Variants in MMP16 observed in about 807,000 individuals in gnomAD.
The protein encoded by MMP16 is matrix metalloproteinase-16.
MMP16 carries 12 observed loss-of-function variants against 67.8 expected under a neutral mutation model. The ratio of observed to expected loss-of-function variants is 0.18; its 90% confidence interval spans 0.11 to 0.29. The LOEUF (loss-of-function observed/expected upper bound fraction) is 0.29, where lower values mean the gene tolerates loss of function less well. MMP16 is among the 10% of genes least tolerant of loss of function. The pLI is 1.00. For missense variants in MMP16, 475 were observed against 765.7 expected (o/e 0.62, Z 4.48); for synonymous variants, 249 against 255.9 (o/e 0.97, Z 0.26).
chr8:88,081,240 G>T (rs1165760121), intron 6 of MMP16, among the ~76,000 whole-genome samples: 1 of 152,124 alleles, frequency 6.6e-6, no homozygotes, highest in Non-Finnish European at 1.5e-5. Flanking sequence ...GCTTCAGTTG[G>T]AGTTCAGGGG....
chr8:88,140,150 G>T (rs1289568832), intron 4 of MMP16, among the ~76,000 whole-genome samples: 2 of 152,036 alleles, frequency 1.3e-5, no homozygotes, highest in Non-Finnish European at 2.9e-5. Flanking sequence ...CTACTTCAAG[G>T]TAAGTGGCTC....
At position 88,080,078 on chromosome 8, in the gene MMP16, C is replaced by T. The variant is rs62525892; in HGVS notation, c.1084-5335G>A. Among the ~76,000 whole-genome samples, 424 of 152,284 alleles carry T rather than the reference C, an allele frequency of 2.8e-3. 1 individual carries two copies. Among genetic ancestry groups the T allele is most frequent in the African/African-American group, 4.2e-3 (174 of 41,578 alleles). ...TGTTACTGCATCATGGTATTTGTGA[C>T]GTCATTTCTTCCACCTACTCCACTG... On this transcript the variant is annotated intron_variant, in intron 6 of 9. Transcript: ENST00000286614.
At chr8:88,215,268 T>G (rs1305681254) in intron 1 of MMP16, among the ~76,000 whole-genome samples, 1 of 151,944 alleles carries the variant, frequency 6.6e-6, no homozygotes, top group Admixed American at 6.5e-5. Context: ...AGGCGGAGGT[T>G]GCAGTGAGCT....
At chr8:88,055,029 T>C (rs932831549) in intron 8 of MMP16, among the ~76,000 whole-genome samples, 1 of 152,152 alleles carries the variant, frequency 6.6e-6, no homozygotes, top group African/African-American at 2.4e-5. Context: ...TATGAATTTC[T>C]CATTGTGAGC....
chr8:88,174,974 G>C (rs1215549766), intron 3 of MMP16, among the ~76,000 whole-genome samples: 1 of 152,010 alleles, frequency 6.6e-6, no homozygotes, highest in Non-Finnish European at 1.5e-5. Flanking sequence ...GGCTGGTCTC[G>C]AACTCCTGAC....
chr8:88,120,492 C>T (rs986537579), intron 4 of MMP16, among the ~76,000 whole-genome samples: 8 of 151,892 alleles, frequency 5.3e-5, no homozygotes, highest in Non-Finnish European at 8.8e-5. Context: ...AGGATAGCTT[C>T]GGAGCATGCC....
intron 1 of MMP16, among the ~76,000 whole-genome samples, chr8:88,226,209 G>A (rs915916524): frequency 3.3e-5 from 5 of 151,998 alleles, no homozygotes; most frequent in Admixed American, 3.3e-4. Context: ...TCAGGTGAAA[G>A]TGAGAATTAC....
chr8:88,109,626 T>G (rs1809300440), intron 6 of MMP16, among the ~76,000 whole-genome samples: 1 of 151,272 alleles, frequency 6.6e-6, no homozygotes, highest in Admixed American at 6.6e-5. Context: ...ATCAGAAAAG[T>G]GTTACTTTTT....
chr8:88,197,027 T>A (rs1208046255), intron 2 of MMP16, 131 bp downstream of exon 2: 3 of 828,302 alleles, frequency 3.6e-6, no homozygotes, highest in Non-Finnish European at 5.5e-6. Flanking sequence ...TAAATTAGGT[T>A]ATATAATTCC....
At chr8:88,121,632 C>T (rs934305368) in intron 4 of MMP16, among the ~76,000 whole-genome samples, 3 of 151,902 alleles carry the variant, frequency 2.0e-5, no homozygotes, top group South Asian at 2.1e-4. Context: ...ATTTTATCAC[C>T]AAGCAGGCAA....
intron 1 of MMP16, among the ~76,000 whole-genome samples, chr8:88,226,030 T>A (rs1187737133): frequency 6.6e-6 from 1 of 151,992 alleles, no homozygotes; most frequent in East Asian, 1.9e-4. Flanking sequence ...AAATTTCATA[T>A]ACACTAAGAA....
At chr8:88,046,360 T>C (rs574162667) in intron 9 of MMP16, among the ~76,000 whole-genome samples, 1 of 152,302 alleles carries the variant, frequency 6.6e-6, no homozygotes, top group East Asian at 1.9e-4. Flanking sequence ...GTATTTTTGT[T>C]ATTATTATCT....
intron 6 of MMP16, among the ~76,000 whole-genome samples, chr8:88,105,581 C>A (rs2118393447): frequency 6.6e-6 from 1 of 151,520 alleles, no homozygotes; most frequent in South Asian, 2.1e-4. Flanking sequence ...CAAATAAGTT[C>A]TATGGAAAAT....
chr8:88,090,007 G>A (rs1443626493), intron 6 of MMP16, among the ~76,000 whole-genome samples: 1 of 151,970 alleles, frequency 6.6e-6, no homozygotes. Context: ...TTGAGAATAT[G>A]TAATTTTCCC....
intron 1 of MMP16, among the ~76,000 whole-genome samples, chr8:88,207,484 G>A (rs1417656791): frequency 6.6e-6 from 1 of 152,056 alleles, no homozygotes; most frequent in African/African-American, 2.4e-5. Flanking sequence ...TGTGTTTACT[G>A]CAATACCATA....
rs563825521 is a variant in MMP16 at position 88,061,670 on chromosome 8, T to C, written c.1223-5392A>G. Among the ~76,000 whole-genome samples the C allele has an allele frequency of 3.3e-5, 5 of 152,192 alleles. No individual in the cohort carries two copies. In the East Asian group the frequency reaches 7.7e-4, roughly 24 times the overall value. ...TTTATATGTAGTCCCGGTGTCTCAG[T>C]AGAGGATAATGTGTGAAAAAAGAAA... is the stretch of plus-strand genomic sequence containing the variant. On this transcript the variant is annotated intron_variant, in intron 7 of 9. Transcript: ENST00000286614.
At chr8:88,240,485 G>GT (rs1287222338) in intron 1 of MMP16, among the ~76,000 whole-genome samples, 1 of 152,176 alleles carries the variant, frequency 6.6e-6, no homozygotes, top group African/African-American at 2.4e-5. Flanking sequence ...AGAAAAGCAG[G>GT]TGAGGCAAGA....
intron 1 of MMP16, among the ~76,000 whole-genome samples, chr8:88,206,897 C>T (rs748316507): frequency 6.6e-6 from 1 of 152,116 alleles, no homozygotes; most frequent in Non-Finnish European, 1.5e-5. Flanking sequence ...AGTGACTCCA[C>T]ATTATTGCTT....
At chr8:88,054,629 A>C (rs1427031988) in intron 8 of MMP16, among the ~76,000 whole-genome samples, 1 of 152,164 alleles carries the variant, frequency 6.6e-6, no homozygotes, top group Non-Finnish European at 1.5e-5. Flanking sequence ...TATTATAACG[A>C]ATTAAAATCT....
Sources: allele counts gnomAD v4.1 joint callset (sites outside exome capture counted in the v4.1 genomes callset), GRCh38; gene constraint gnomAD v4.1.1; transcripts MANE v1.5; gene names NCBI Gene and HGNC (gene_info 2026-07-23, HGNC 2026-07-21).